SYNPO2: variants seen among roughly 807,000 people sequenced by gnomAD.
The protein encoded by SYNPO2 is synaptopodin-2.
SYNPO2 carries 56 observed loss-of-function variants against 85.0 expected under a neutral mutation model. That is an observed-to-expected ratio of 0.66 (90% CI 0.53 to 0.82). The LOEUF (loss-of-function observed/expected upper bound fraction) is 0.82. Among genes scored for constraint, SYNPO2 ranks in the 40% least tolerant of loss-of-function variants. The pLI is 0.00. For missense variants in SYNPO2, 1,575 were observed against 1,534.2 expected (o/e 1.03, Z -0.44); for synonymous variants, 602 against 591.1 (o/e 1.02, Z -0.27).
chr4:118,957,784 T>A (rs1734931083), intron 1 of SYNPO2, among the ~76,000 whole-genome samples: 2 of 152,192 alleles, frequency 1.3e-5, no homozygotes, highest in South Asian at 4.1e-4. Flanking sequence ...TGTAAATGAC[T>A]CAGCGTGTCT....
intron 1 of SYNPO2, among the ~76,000 whole-genome samples, chr4:118,940,718 G>A (rs1463965242): frequency 1.3e-5 from 2 of 152,158 alleles, no homozygotes; most frequent in African/African-American, 4.8e-5. Flanking sequence ...CTTCAACAAA[G>A]ACGCTGGACA....
intron 1 of SYNPO2, among the ~76,000 whole-genome samples, chr4:118,866,425 T>G (rs1035345676): frequency 6.6e-6 from 1 of 152,218 alleles, no homozygotes; most frequent in African/African-American, 2.4e-5. Flanking sequence ...TGCCGATTTC[T>G]TTGCTCCCAG....
Position 119,026,945 on chromosome 4 carries a change from G to T in SYNPO2, c.576G>T (p.Gln192His). The T allele has an allele frequency of 6.2e-7, 1 of 1,614,194 alleles. No individual in the cohort carries two copies. The highest frequency in any genetic ancestry group is 8.5e-7 in the Non-Finnish European group (1 of 1,180,032). The change falls in exon 3 of 5, where the codon CAG (glutamine) becomes CAT (histidine). Residue 192 changes from glutamine to histidine, a missense_variant. Gln to His is a conservative substitution (Grantham distance 24, BLOSUM62 0). Coordinates refer to ENST00000307142, the MANE Select transcript of SYNPO2 (RefSeq NM_133477.3). ...TAAGGGAGAAGGTAGAAGCGGTACA[G>T]CCTGGGCCTGTGGTTGAGCTGCAAC... ...LILREKVEAVQPGPVVELQLS... is the reference protein window; with the variant it reads ...LILREKVEAVHPGPVVELQLS...
chr4:118,885,034 T>C (rs950282690), upstream of SYNPO2, among the ~76,000 whole-genome samples: 5 of 152,152 alleles, frequency 3.3e-5, no homozygotes, highest in African/African-American at 4.8e-5. Context: ...TGAGGAGAAA[T>C]TATTAGGTGA....
chr4:119,057,882 TA>T lies in SYNPO2; in HGVS notation c.3735del (p.Ala1246LeufsTer19). ...METRSDYCLP[V>X]ADYNYNPHPR... Reference sequence around the variant, plus strand: ...ACCAGGTCTGATTACTGTCTTCCAGTAGCTGATTACAACTACAACCCACACC... The same window carrying T: ...ACCAGGTCTGATTACTGTCTTCCAGTGCTGATTACAACTACAACCCACACC... On this transcript the variant is annotated frameshift_variant, in exon 5 of 5. Coordinates refer to ENST00000307142, the MANE Select transcript of SYNPO2 (RefSeq NM_133477.3). LOFTEE classifies it high-confidence loss of function. 1 of 1,614,108 alleles carries T rather than the reference TA, an allele frequency of 6.2e-7. No individual in the cohort carries two copies. Among genetic ancestry groups the T allele is most frequent in the Non-Finnish European group, 8.5e-7 (1 of 1,180,016 alleles).
At chr4:118,972,781 T>C (rs1347587865) in intron 1 of SYNPO2, among the ~76,000 whole-genome samples, 1 of 152,238 alleles carries the variant, frequency 6.6e-6, no homozygotes, top group Non-Finnish European at 1.5e-5. Flanking sequence ...TTGGGCAAGC[T>C]ACAAAAATCT....
intron 1 of SYNPO2, among the ~76,000 whole-genome samples, chr4:118,857,551 T>C (rs761178469): frequency 2.6e-5 from 4 of 152,126 alleles, no homozygotes; most frequent in Non-Finnish European, 5.9e-5. Flanking sequence ...ACAGAGCATA[T>C]GGTTCACTGA....
intron 1 of SYNPO2, among the ~76,000 whole-genome samples, chr4:118,961,621 T>G (rs966377935): frequency 6.6e-6 from 1 of 152,192 alleles, no homozygotes; most frequent in Non-Finnish European, 1.5e-5. Context: ...CTAATTTATC[T>G]TATATTTTTT....
intron 1 of SYNPO2, among the ~76,000 whole-genome samples, chr4:118,916,710 T>C (rs983524532): frequency 3.4e-5 from 5 of 149,226 alleles, no homozygotes; most frequent in Non-Finnish European, 3.0e-5. Flanking sequence ...TTCTTCCTCT[T>C]CCTCTTTTAT....
intron 1 of SYNPO2, among the ~76,000 whole-genome samples, chr4:119,019,450 G>T (rs1050238158): frequency 6.6e-6 from 1 of 152,148 alleles, no homozygotes; most frequent in Non-Finnish European, 1.5e-5. Flanking sequence ...CAGGTATTTT[G>T]TGTCAAATCA....
intron 1 of SYNPO2, among the ~76,000 whole-genome samples, chr4:119,022,690 G>T (rs868578268): frequency 1.0e-4 from 14 of 139,566 alleles, no homozygotes; most frequent in African/African-American, 2.2e-4. Context: ...TATTTTAATT[G>T]TATTTTATTT....
At chr4:118,920,287 T>G (rs1733490044) in intron 1 of SYNPO2, among the ~76,000 whole-genome samples, 2 of 152,042 alleles carry the variant, frequency 1.3e-5, no homozygotes, top group Non-Finnish European at 2.9e-5. Flanking sequence ...ATTTTTAGAG[T>G]GAGTTTGCTG....
At chr4:118,870,066 G>A (rs1347078731) in intron 1 of SYNPO2, among the ~76,000 whole-genome samples, 1 of 152,206 alleles carries the variant, frequency 6.6e-6, no homozygotes, top group African/African-American at 2.4e-5. Flanking sequence ...TCCAAAGCCT[G>A]CTACAGAGTT....
chr4:118,956,793 A>C (rs12513135), intron 1 of SYNPO2, among the ~76,000 whole-genome samples: 129,297 of 152,058 alleles, frequency 0.85, 55,269 homozygotes, highest in Middle Eastern at 0.93. Flanking sequence ...GCCTGTAATC[A>C]CAGCACTTTG....
At chr4:118,873,662 T>C (rs1020633787) in intron 1 of SYNPO2, among the ~76,000 whole-genome samples, 1 of 152,144 alleles carries the variant, frequency 6.6e-6, no homozygotes, top group Non-Finnish European at 1.5e-5. Context: ...GTGTGTTCGC[T>C]TTATTTATTT....
chr4:118,870,069 A>T (rs1280960087), intron 1 of SYNPO2, among the ~76,000 whole-genome samples: 1 of 152,228 alleles, frequency 6.6e-6, no homozygotes, highest in African/African-American at 2.4e-5. Context: ...AAAGCCTGCT[A>T]CAGAGTTGGG....
chr4:118,865,163 G>A (rs1731678348), intron 1 of SYNPO2, among the ~76,000 whole-genome samples: 1 of 152,236 alleles, frequency 6.6e-6, no homozygotes, highest in Non-Finnish European at 1.5e-5. Flanking sequence ...CTTGGAGGAG[G>A]CTGGAGGAGA....
At chr4:118,907,108 C>G (rs1732964283) in intron 1 of SYNPO2, among the ~76,000 whole-genome samples, 1 of 152,162 alleles carries the variant, frequency 6.6e-6, no homozygotes, top group African/African-American at 2.4e-5. Flanking sequence ...GACACTGAGC[C>G]TGGCCCTTTT....
chr4:119,027,516 C>T, intron 3 of SYNPO2, 78 bp downstream of exon 3: 1 of 1,315,564 alleles, frequency 7.6e-7, no homozygotes, highest in South Asian at 1.8e-5. Context: ...ATGAGTTTTT[C>T]AGCAAGATTT....
Sources: allele counts gnomAD v4.1 joint callset (sites outside exome capture counted in the v4.1 genomes callset), GRCh38; gene constraint gnomAD v4.1.1; transcripts MANE v1.5; gene names NCBI Gene and HGNC (gene_info 2026-07-23, HGNC 2026-07-21).